Variants in EPM2A observed in about 807,000 individuals in gnomAD.
The protein encoded by EPM2A is EPM2A glucan phosphatase, laforin.
In EPM2A, 21 loss-of-function variants were observed where a neutral mutation model predicts 26.5. The observed-to-expected ratio is 0.79, with a 90% CI of 0.56 to 1.14. The LOEUF is 1.14. Among genes scored for constraint, EPM2A ranks in the 50% most tolerant of loss-of-function variants. The pLI is 0.00. For missense variants in EPM2A, 458 were observed against 440.8 expected (o/e 1.04, Z -0.35); for synonymous variants, 217 against 177.6 (o/e 1.22, Z -1.76).
At chr6:145,672,435 C>T (rs983402649) in intron 2 of EPM2A, among the ~76,000 whole-genome samples, 5 of 152,280 alleles carry the variant, frequency 3.3e-5, no homozygotes, top group Middle Eastern at 3.4e-3. Flanking sequence ...AGTCCTAATG[C>T]CAGCAGTAGG....
intron 1 of EPM2A, among the ~76,000 whole-genome samples, chr6:145,708,434 T>A (rs1236984225): frequency 6.6e-6 from 1 of 152,126 alleles, no homozygotes; most frequent in Non-Finnish European, 1.5e-5. Context: ...CACTGCTGTA[T>A]GCAGCCTAGA....
chr6:145,702,041 C>G (rs1781942155), intron 1 of EPM2A, among the ~76,000 whole-genome samples: 1 of 152,152 alleles, frequency 6.6e-6, no homozygotes, highest in African/African-American at 2.4e-5. Flanking sequence ...CCCCAAATCC[C>G]TCCTCTTCCA....
At chr6:145,616,449 C>T (rs957359983) in intron 2 of EPM2A, among the ~76,000 whole-genome samples, 1 of 152,222 alleles carries the variant, frequency 6.6e-6, no homozygotes, top group African/African-American at 2.4e-5. Flanking sequence ...TCTGCTAGGG[C>T]AGCGAGGAAG....
At chr6:145,702,204 TAAAC>T (rs1781952286) in intron 1 of EPM2A, among the ~76,000 whole-genome samples, 1 of 152,238 alleles carries the variant, frequency 6.6e-6, no homozygotes, top group Admixed American at 6.5e-5. Context: ...AAAAAAACTT[TAAAC>T]AAAGTCATCT....
At chr6:145,392,559 T>C (rs1778352018) in intron 4 of EPM2A, among the ~76,000 whole-genome samples, 1 of 152,008 alleles carries the variant, frequency 6.6e-6, no homozygotes, top group Admixed American at 6.6e-5. Flanking sequence ...CCAACCCTTC[T>C]CCTTGCCCCC....
chr6:145,679,038 G>T (rs1490193799), intron 2 of EPM2A, among the ~76,000 whole-genome samples: 1 of 152,076 alleles, frequency 6.6e-6, no homozygotes, highest in Non-Finnish European at 1.5e-5. Flanking sequence ...AAGAAAATGT[G>T]GCACATATAC....
At chr6:145,683,385 T>A (rs1780690367) in intron 2 of EPM2A, among the ~76,000 whole-genome samples, 1 of 149,112 alleles carries the variant, frequency 6.7e-6, no homozygotes, top group Admixed American at 6.8e-5. Context: ...ATATATAAAG[T>A]ATTATATAGT....
At chr6:145,647,255 T>C (rs1777545844) in intron 2 of EPM2A, among the ~76,000 whole-genome samples, 1 of 152,182 alleles carries the variant, frequency 6.6e-6, no homozygotes, top group Non-Finnish European at 1.5e-5. Context: ...CATGTCCCCA[T>C]ATGAACCTCA....
intron 1 of EPM2A, among the ~76,000 whole-genome samples, chr6:145,706,867 A>T (rs911198243): frequency 4.6e-5 from 7 of 152,196 alleles, no homozygotes; most frequent in Admixed American, 6.5e-5. Context: ...TTTATGTTTA[A>T]ACTTAATCCC....
downstream of EPM2A, among the ~76,000 whole-genome samples, chr6:145,620,708 T>C (rs1775615098): frequency 6.6e-6 from 1 of 152,230 alleles, no homozygotes; most frequent in Non-Finnish European, 1.5e-5. Flanking sequence ...TCTTTCACTG[T>C]CTAGTTTCTG....
downstream of EPM2A, among the ~76,000 whole-genome samples, chr6:145,499,807 C>T (rs1183007745): frequency 6.6e-6 from 1 of 152,090 alleles, no homozygotes; most frequent in Non-Finnish European, 1.5e-5. Context: ...GTAAGGGAGT[C>T]ATTGATACAA....
intron 4 of EPM2A, among the ~76,000 whole-genome samples, chr6:145,474,393 C>T (rs993133301): frequency 5.9e-5 from 9 of 151,980 alleles, no homozygotes; most frequent in African/African-American, 2.2e-4. Flanking sequence ...ACCTGGGAGG[C>T]AGAAGTGGCA....
At chr6:145,461,444 A>T (rs1779327969) in intron 4 of EPM2A, among the ~76,000 whole-genome samples, 1 of 152,192 alleles carries the variant, frequency 6.6e-6, no homozygotes, top group African/African-American at 2.4e-5. Flanking sequence ...TGAAACACAG[A>T]TGATGAGATT....
intron 4 of EPM2A, among the ~76,000 whole-genome samples, chr6:145,466,814 TA>T (rs1302069404): frequency 1.3e-5 from 2 of 152,118 alleles, no homozygotes; most frequent in African/African-American, 4.8e-5. Context: ...TATGCAGCCA[TA>T]AAAAATGATG....
At chr6:145,432,622 G>C (rs1400925021) in intron 4 of EPM2A, among the ~76,000 whole-genome samples, 1 of 151,762 alleles carries the variant, frequency 6.6e-6, no homozygotes, top group African/African-American at 2.4e-5. Flanking sequence ...AGTTCAAGTA[G>C]GTTTAGTGTA....
chr6:145,660,827 A>T (rs960994949), intron 2 of EPM2A, among the ~76,000 whole-genome samples: 4 of 152,212 alleles, frequency 2.6e-5, no homozygotes, highest in African/African-American at 7.2e-5. Flanking sequence ...TAAATTTTTT[A>T]AAAAATTGCT....
chr6:145,421,679 A>G (rs1255687397), intron 4 of EPM2A, among the ~76,000 whole-genome samples: 1 of 152,028 alleles, frequency 6.6e-6, no homozygotes, highest in Non-Finnish European at 1.5e-5. Context: ...TATGCCAGTT[A>G]TAACAATAAA....
chr6:145,491,806 T>C (rs1313968558), intron 4 of EPM2A: 3 of 532,394 alleles, frequency 5.6e-6, no homozygotes, highest in South Asian at 2.8e-5. Context: ...CTTCTTCTCC[T>C]GTATCAATTA....
At position 145,627,234 on chromosome 6, in the gene EPM2A, A is replaced by G; in HGVS notation, c.*182T>C. The stretch of plus-strand genomic sequence containing the variant: ...TTGAGCCACAGCTTTCTTGTAGAGT[A>G]TTTCAAAAATACAGCCCCAAAACAA... On this transcript the variant is annotated 3_prime_UTR_variant, in exon 4 of 4. Transcript: ENST00000367519. 4 of 1,492,990 alleles carry G rather than the reference A, an allele frequency of 2.7e-6. No homozygotes were observed. Among genetic ancestry groups the G allele is most frequent in the Non-Finnish European group, 1.8e-6 (2 of 1,132,180 alleles). The allele number at this position is 1,492,990 out of a possible 1,614,324, so 92.5% of individuals were successfully genotyped here.
Sources: allele counts gnomAD v4.1 joint callset (sites outside exome capture counted in the v4.1 genomes callset), GRCh38; gene constraint gnomAD v4.1.1; transcripts MANE v1.5; gene names NCBI Gene and HGNC (gene_info 2026-07-23, HGNC 2026-07-21).